Variants in PDE1A observed in about 807,000 individuals in gnomAD.
PDE1A encodes the protein dual specificity calcium/calmodulin-dependent 3',5'-cyclic nucleotide phosphodiesterase 1A.
Under a neutral mutation model 61.7 loss-of-function variants are expected in PDE1A, and 35 were observed. The ratio of observed to expected loss-of-function variants is 0.57; its 90% CI spans 0.43 to 0.75. PDE1A has a LOEUF of 0.75. Ranked by LOEUF, PDE1A falls within the 30% of genes least tolerant of loss-of-function variation. The pLI is 0.00. For missense variants in PDE1A, 597 were observed against 630.6 expected (o/e 0.95, Z 0.57); for synonymous variants, 232 against 213.2 (o/e 1.09, Z -0.77).
At chr2:182,704,781 A>G in the PDE1A span, among the ~76,000 whole-genome samples, 1 of 152,224 alleles carries the variant, frequency 6.6e-6, no homozygotes, top group African/African-American at 2.4e-5. Context: ...GTGGTATCAC[A>G]CAACATCACA....
chr2:182,710,503 C>G, the PDE1A span, among the ~76,000 whole-genome samples: 5 of 152,204 alleles, frequency 3.3e-5, no homozygotes, highest in Non-Finnish European at 7.3e-5. Context: ...ACTACCATCT[C>G]TCCTTTTCCC....
the PDE1A span, among the ~76,000 whole-genome samples, chr2:182,609,995 G>A: frequency 1.6e-4 from 24 of 152,056 alleles, no homozygotes; most frequent in Admixed American, 1.6e-3. Context: ...GGCTGAGGTA[G>A]GAGAATCGCT....
chr2:182,683,113 G>A, the PDE1A span, among the ~76,000 whole-genome samples: 5 of 144,458 alleles, frequency 3.5e-5, no homozygotes, highest in African/African-American at 1.3e-4. Flanking sequence ...TTTTTTTTGA[G>A]ATGGAGTCTC....
exon 2 of PDE1A, chr2:182,522,311 T>C (rs1443475314): frequency 1.2e-6 from 2 of 1,613,638 alleles, no homozygotes; most frequent in Non-Finnish European, 1.7e-6. Flanking sequence ...TTTCAGTCTG[T>C]TCTCCTGTAA....
chr2:182,212,556 C>T (rs1003667807), intron 7 of PDE1A, among the ~76,000 whole-genome samples: 5 of 152,158 alleles, frequency 3.3e-5, no homozygotes, highest in African/African-American at 4.8e-5. Flanking sequence ...TCAGTGGGTG[C>T]GCGCACCGTG....
intron 8 of PDE1A, among the ~76,000 whole-genome samples, 170 bp from the exon 9 acceptor site, chr2:182,201,959 C>T (rs1305130801): frequency 6.6e-6 from 1 of 152,084 alleles, no homozygotes; most frequent in Non-Finnish European, 1.5e-5. Flanking sequence ...ATTATTTTAC[C>T]TTTTAACTGT....
intron 1 of PDE1A, among the ~76,000 whole-genome samples, chr2:182,391,677 C>T (rs984574446): frequency 6.6e-6 from 1 of 152,136 alleles, no homozygotes; most frequent in Non-Finnish European, 1.5e-5. Flanking sequence ...TAATTGGATC[C>T]TGAGGTGGCA....
At chr2:182,395,054 TC>T (rs1162048348) in intron 1 of PDE1A, among the ~76,000 whole-genome samples, 4 of 152,190 alleles carry the variant, frequency 2.6e-5, no homozygotes, top group Non-Finnish European at 4.4e-5. Flanking sequence ...AAGTAGTGAC[TC>T]CAGCTGTAGC....
the PDE1A span, among the ~76,000 whole-genome samples, chr2:182,620,601 A>G: frequency 1.3e-4 from 20 of 152,244 alleles, no homozygotes; most frequent in Non-Finnish European, 2.2e-4. Flanking sequence ...CTAGAATGCT[A>G]TGAATCCAAG....
chr2:182,702,104 T>G, the PDE1A span, among the ~76,000 whole-genome samples: 11 of 152,146 alleles, frequency 7.2e-5, no homozygotes, highest in Admixed American at 5.9e-4. Context: ...ATTACTTATT[T>G]ATTGATTGAT....
chr2:182,699,506 A>C, the PDE1A span, among the ~76,000 whole-genome samples: 1 of 152,238 alleles, frequency 6.6e-6, no homozygotes, highest in Non-Finnish European at 1.5e-5. Flanking sequence ...TTATTTTATA[A>C]GAATGAAGAT....
chr2:182,534,169 T>C, the PDE1A span, among the ~76,000 whole-genome samples: 107,211 of 151,924 alleles, frequency 0.71, 41,155 homozygotes, highest in East Asian at 0.99. Flanking sequence ...TTATGCACAG[T>C]TTCCCATTCC....
At chr2:182,416,267 G>C (rs1374331421) in intron 1 of PDE1A, among the ~76,000 whole-genome samples, 2 of 152,074 alleles carry the variant, frequency 1.3e-5, no homozygotes, top group African/African-American at 4.8e-5. Flanking sequence ...TGAATTTCAG[G>C]GCGATGATTT....
At chr2:182,292,928 T>C (rs1213979384) in intron 1 of PDE1A, among the ~76,000 whole-genome samples, 2 of 152,088 alleles carry the variant, frequency 1.3e-5, no homozygotes, top group Non-Finnish European at 2.9e-5. Flanking sequence ...CAGTGTATCA[T>C]TGTGAGGTTT....
intron 2 of PDE1A, among the ~76,000 whole-genome samples, chr2:182,444,024 T>C (rs1012199998): frequency 6.6e-6 from 1 of 152,092 alleles, no homozygotes; most frequent in Non-Finnish European, 1.5e-5. Flanking sequence ...CTTTATAAAC[T>C]ATCAAGTCTC....
At chr2:182,527,303 T>TAA (rs869281717), upstream of PDE1A, among the ~76,000 whole-genome samples, 26 of 22,838 alleles carry the variant, frequency 1.1e-3, 1 homozygote, top group Non-Finnish European at 1.5e-3. Flanking sequence ...CCTTTCTCTA[T>TAA]AAAAAAAAAA....
chr2:182,703,254 TA>T, the PDE1A span, among the ~76,000 whole-genome samples: 2 of 152,224 alleles, frequency 1.3e-5, no homozygotes, highest in African/African-American at 4.8e-5. Flanking sequence ...AAGTTCCTGT[TA>T]GATTAATTTC....
the PDE1A span, among the ~76,000 whole-genome samples, chr2:182,680,857 G>A: frequency 6.6e-6 from 1 of 152,334 alleles, no homozygotes; most frequent in East Asian, 1.9e-4. Context: ...CCCATAGGCA[G>A]TGTATAGACA....
intron 1 of PDE1A, among the ~76,000 whole-genome samples, chr2:182,318,588 T>C (rs933618428): frequency 6.6e-6 from 1 of 152,128 alleles, no homozygotes; most frequent in Non-Finnish European, 1.5e-5. Context: ...GGTTTCACAC[T>C]CTCCCTGGAG....
Sources: gnomAD v4.1 joint callset for allele counts (sites outside exome capture counted in the v4.1 genomes callset) on GRCh38, gnomAD v4.1.1 for gene constraint, MANE v1.5 for transcripts, NCBI Gene and HGNC (gene_info 2026-07-23, HGNC 2026-07-21) for gene names.